Variants in LRP1B observed in about 807,000 individuals in gnomAD.
LRP1B encodes the protein LDL receptor related protein 1B.
Under a neutral mutation model 556.6 loss-of-function variants are expected in LRP1B, and 217 were observed. That is an observed-to-expected ratio of 0.39 (90% CI 0.35 to 0.44). The LOEUF is 0.44. LRP1B is among the 20% of genes least tolerant of loss of function. The probability of loss-of-function intolerance (pLI) is 1.00; values close to 1 mark genes in which losing one functional copy is unlikely to be tolerated. For synonymous variants in LRP1B, 2,047 were observed against 1,865.8 expected (o/e 1.10, Z -2.50); for missense variants, 5,053 against 5,620.8 (o/e 0.90, Z 3.23).
intron 1 of LRP1B, among the ~76,000 whole-genome samples, chr2:141,897,522 A>G (rs1198163908): frequency 2.0e-5 from 3 of 152,088 alleles, no homozygotes; most frequent in Non-Finnish European, 4.4e-5. Context: ...GAGGTATACA[A>G]CCTAAGGAGT....
intron 41 of LRP1B, among the ~76,000 whole-genome samples, chr2:140,640,148 G>C (rs921078964): frequency 6.6e-6 from 1 of 151,260 alleles, no homozygotes; most frequent in African/African-American, 2.4e-5. Flanking sequence ...GACTACGGGC[G>C]CCCGCCACCT....
At chr2:140,939,827 T>C (rs1362179473) in intron 20 of LRP1B, among the ~76,000 whole-genome samples, 1 of 151,890 alleles carries the variant, frequency 6.6e-6, no homozygotes, top group East Asian at 1.9e-4. Flanking sequence ...AGGTAAAATT[T>C]TTTTTAGGAA....
In LRP1B at chr2:141,174,158, G is replaced by A. The variant is rs564318965; in HGVS notation, c.1013+14263C>T. Among the ~76,000 whole-genome samples, 23 of 152,080 alleles carry A rather than the reference G, an allele frequency of 1.5e-4. No homozygotes were observed. In the East Asian group the frequency reaches 2.1e-3, roughly 14 times the overall value. On this transcript the variant is annotated intron_variant, in intron 7 of 90. Transcript: ENST00000389484. ...AAATCTGGAAAACAAGATATTCTACGGAATGAGGTGGTAGTAAGATCTTAT... is the reference window on the plus strand; with the variant it reads ...AAATCTGGAAAACAAGATATTCTACAGAATGAGGTGGTAGTAAGATCTTAT...
chr2:140,883,878 T>C lies in LRP1B; in HGVS notation c.4108A>G (p.Thr1370Ala), dbSNP rs1243991889. 24 of 1,613,510 alleles carry C rather than the reference T, an allele frequency of 1.5e-5. No homozygotes were observed. Among genetic ancestry groups the C allele is most frequent in the Non-Finnish European group, 2.0e-5 (24 of 1,179,856 alleles). ...TCCATGGCTCCTGCTATTAGTGTAG[T>C]TCTTAGGGAGCCATCTAGTTTGGCC... is the stretch of plus-strand genomic sequence containing the variant. ...EVAKLDGSLR[T>A]TLIAGAMEHP... Residue 1370 changes from threonine to alanine, a missense_variant, in exon 25 of 91, where the codon ACT becomes GCT. Physicochemically the swap from Thr to Ala is moderately conservative, Grantham distance 58. Transcript: ENST00000389484.
chr2:140,506,287 C>CA (rs1309504584), intron 53 of LRP1B, among the ~76,000 whole-genome samples: 4 of 152,130 alleles, frequency 2.6e-5, no homozygotes, highest in Non-Finnish European at 5.9e-5. Flanking sequence ...CTCTGTCACC[C>CA]AGGCTGGAGT....
intron 2 of LRP1B, among the ~76,000 whole-genome samples, chr2:141,747,304 G>T (rs1295315297): frequency 6.6e-6 from 1 of 152,134 alleles, no homozygotes; most frequent in Non-Finnish European, 1.5e-5. Context: ...TAAAAGCCCA[G>T]CTCCACAAAT....
At chr2:140,475,797 C>G (rs912654687) in intron 59 of LRP1B, among the ~76,000 whole-genome samples, 5 of 151,562 alleles carry the variant, frequency 3.3e-5, no homozygotes, top group Non-Finnish European at 5.9e-5. Flanking sequence ...ATCCACTAAC[C>G]AATTATAACT....
intron 3 of LRP1B, among the ~76,000 whole-genome samples, chr2:141,310,851 T>C (rs1482367076): frequency 1.3e-5 from 2 of 152,114 alleles, no homozygotes; most frequent in African/African-American, 4.8e-5. Context: ...GAAAGTAAAA[T>C]CTTATTACTA....
intron 4 of LRP1B, 24 bp downstream of exon 4, chr2:141,254,498 G>C (rs752372561): frequency 8.1e-6 from 13 of 1,609,200 alleles, no homozygotes; most frequent in Non-Finnish European, 1.1e-5. Context: ...AACAAAATTT[G>C]ATGGCGTTAT....
rs1414264518 is a variant in LRP1B, at chr2:140,541,819, C to T, written c.7347G>A (p.Gln2449=). 5 of 1,612,328 alleles carry T rather than the reference C, an allele frequency of 3.1e-6. No individual in the cohort carries two copies. Among genetic ancestry groups the T allele is most frequent in the Non-Finnish European group, 4.2e-6 (5 of 1,178,922 alleles). The change falls in exon 44 of 91, where the codon CAG becomes CAA. Residue 2449 remains glutamine, a synonymous_variant. Coordinates refer to ENST00000389484, the MANE Select transcript of LRP1B (RefSeq NM_018557.3). The stretch of plus-strand genomic sequence containing the variant: ...TGGCAACAGCTATGATTCCCATTGG[C>T]TGATGTGGAATATCGGAACGAAGAA... ...TKILRSDIPH[Q]PMGIIAVAND...
At chr2:140,340,805 A>AC (rs1179828780) in intron 77 of LRP1B, among the ~76,000 whole-genome samples, 1 of 151,512 alleles carries the variant, frequency 6.6e-6, no homozygotes, top group Non-Finnish European at 1.5e-5. Flanking sequence ...TAGAAGAGCC[A>AC]ACTACCTGCT....
intron 7 of LRP1B, among the ~76,000 whole-genome samples, chr2:141,089,970 A>G (rs1344247914): frequency 1.3e-5 from 2 of 152,220 alleles, no homozygotes. Flanking sequence ...TCTAATCAGG[A>G]TATCCTAAGG....
intron 1 of LRP1B, among the ~76,000 whole-genome samples, chr2:141,833,511 G>A (rs1697173416): frequency 6.6e-6 from 1 of 151,854 alleles, no homozygotes; most frequent in African/African-American, 2.4e-5. Flanking sequence ...AACAGTGACA[G>A]AGTGACAGGA....
At chr2:140,708,469 C>A (rs751630786) in intron 37 of LRP1B, among the ~76,000 whole-genome samples, 1 of 150,540 alleles carries the variant, frequency 6.6e-6, no homozygotes, top group Non-Finnish European at 1.5e-5. Flanking sequence ...ACTGGAGAAG[C>A]GGAAATTATT....
intron 2 of LRP1B, among the ~76,000 whole-genome samples, chr2:141,658,079 C>T (rs191473553): frequency 6.6e-6 from 1 of 152,106 alleles, no homozygotes; most frequent in Admixed American, 6.5e-5. Context: ...CAGACTCAAG[C>T]AGATAGTCAA....
intron 1 of LRP1B, among the ~76,000 whole-genome samples, chr2:141,836,307 T>C (rs1697276240): frequency 6.6e-6 from 1 of 152,052 alleles, no homozygotes; most frequent in Non-Finnish European, 1.5e-5. Flanking sequence ...TGTCAACCTA[T>C]TTGGAGATAC....
At position 140,487,737 on chromosome 2, in the gene LRP1B, T is replaced by C; in HGVS notation, c.9123A>G (p.Gly3041=). 1 of 1,518,450 alleles carries C rather than the reference T, an allele frequency of 6.6e-7. No individual in the cohort carries two copies. The highest frequency in any genetic ancestry group is 1.2e-5 in the South Asian group (1 of 83,666). The allele number at this position is 1,518,450 out of a possible 1,614,324, so 94.1% of individuals were successfully genotyped here. The change falls in exon 58 of 91, where the codon GGA becomes GGG. Residue 3041 remains glycine (G), a splice_region_variant and synonymous_variant. Coordinates refer to ENST00000389484, the MANE Select transcript of LRP1B (RefSeq NM_018557.3). Reference sequence around the variant, plus strand: ...AGTCTATAGCAATAACATTGTTTAATCCCTGAAAATAAAAAAGACTATGTT... The same window carrying C: ...AGTCTATAGCAATAACATTGTTTAACCCCTGAAAATAAAAAAGACTATGTT... ...DGSNYTLLKQ[G]LNNVIAIDFD... is the part of the protein sequence containing the mutation.
chr2:141,195,312 G>C (rs1356737808), intron 6 of LRP1B, among the ~76,000 whole-genome samples: 1 of 152,060 alleles, frequency 6.6e-6, no homozygotes, highest in African/African-American at 2.4e-5. Flanking sequence ...CAGTCTTTTA[G>C]CTCCAGTTAA....
At chr2:141,842,885 G>T (rs997717594) in intron 1 of LRP1B, among the ~76,000 whole-genome samples, 5 of 152,112 alleles carry the variant, frequency 3.3e-5, no homozygotes, top group African/African-American at 1.2e-4. Context: ...CATTTTGCTA[G>T]AGGGTTACAA....
Sources: gnomAD v4.1 joint callset for allele counts (sites outside exome capture counted in the v4.1 genomes callset) on GRCh38, gnomAD v4.1.1 for gene constraint, MANE v1.5 for transcripts, NCBI Gene and HGNC (gene_info 2026-07-23, HGNC 2026-07-21) for gene names.